The following ITSN2 variants were observed in gnomAD, a reference collection of about 807,000 sequenced individuals.
ITSN2 encodes intersectin 2.
Under a neutral mutation model 243.7 loss-of-function variants are expected in ITSN2, and 156 were observed. That is an observed-to-expected ratio of 0.64 (90% CI 0.56 to 0.73). The LOEUF is 0.73. Ranked by LOEUF, ITSN2 falls within the 30% of genes least tolerant of loss-of-function variation. ITSN2 has a pLI of 0.00. For synonymous variants in ITSN2, 703 were observed against 699.9 expected (o/e 1.00, Z -0.07); for missense variants, 1,801 against 1,996.1 (o/e 0.90, Z 1.86).
chr2:24,252,999 A>C (rs72855412), intron 24 of ITSN2, among the ~76,000 whole-genome samples: 6 of 152,140 alleles, frequency 3.9e-5, no homozygotes, highest in African/African-American at 1.4e-4. Context: ...CAGCACTAGA[A>C]GCCAAGCTCC....
chr2:24,302,221 T>C (rs939545022), intron 9 of ITSN2, 119 bp from the exon 10 acceptor site: 49 of 532,838 alleles, frequency 9.2e-5, no homozygotes, highest in Non-Finnish European at 1.3e-4. Flanking sequence ...TTATTTGAGA[T>C]GGAGTCTAGC....
chr2:24,222,668 C>CTT (rs56149622), intron 29 of ITSN2, among the ~76,000 whole-genome samples: 125 of 77,180 alleles, frequency 1.6e-3, no homozygotes, highest in Admixed American at 2.0e-3. Context: ...TTTTTCTTTT[C>CTT]TTTTTTTTTT....
intron 1 of ITSN2, among the ~76,000 whole-genome samples, chr2:24,345,674 G>C (rs1188919712): frequency 6.6e-6 from 1 of 151,776 alleles, no homozygotes; most frequent in African/African-American, 2.4e-5. Context: ...ACCCAGTGCT[G>C]TTAACAACAT....
chr2:24,331,060 C>A (rs539532341), intron 1 of ITSN2, among the ~76,000 whole-genome samples: 1 of 148,466 alleles, frequency 6.7e-6, no homozygotes, highest in Non-Finnish European at 1.5e-5. Flanking sequence ...AGCCACTGCA[C>A]CCGGCCACTT....
At position 24,299,993 on chromosome 2, in the gene ITSN2, A is replaced by G. The variant is rs756109256; in HGVS notation, c.1260T>C (p.Leu420=). 1.2e-6 allele frequency: 2 copies of G among 1,613,970 alleles called. No homozygotes were observed. Among genetic ancestry groups the G allele is most frequent in the Non-Finnish European group, 1.7e-6 (2 of 1,179,950 alleles). The stretch of plus-strand genomic sequence containing the variant: ...GCTTCTCTAAGCGTTTTTCTAATTC[A>G]AGTTGTTTCTTCCATTCTTGTTCTT... ...ELQEQEWKKQ[L]ELEKRLEKQR... Residue 420 remains leucine, a synonymous_variant, in exon 12 of 40, where the codon CTT becomes CTC. Coordinates refer to ENST00000355123, the MANE Select transcript of ITSN2 (RefSeq NM_006277.3).
intron 21 of ITSN2, 26 bp from the exon 22 acceptor site, chr2:24,261,276 G>A (rs748354856): frequency 6.4e-7 from 1 of 1,557,242 alleles, no homozygotes; most frequent in South Asian, 1.1e-5. Flanking sequence ...TTTGATATAA[G>A]TATATTTATT....
chr2:24,261,238 TGAA>T lies in ITSN2; in HGVS notation c.2547_2549del (p.Ser850del). 6.2e-7 allele frequency: 1 copy of T among 1,610,806 alleles called. No individual in the cohort carries two copies. The highest frequency in any genetic ancestry group is 8.5e-7 in the Non-Finnish European group (1 of 1,177,462). ...AATCAGTCACTGATGCTGGTTGATT[TGAA>T]GAAAGTGGTCTGCAAATATAACACT... On this transcript the variant is annotated inframe_deletion, in exon 22 of 40. Transcript: ENST00000355123.
chr2:24,344,245 TAACA>T, intron 1 of ITSN2, among the ~76,000 whole-genome samples: 1 of 152,222 alleles, frequency 6.6e-6, no homozygotes, highest in Non-Finnish European at 1.5e-5. Flanking sequence ...GTTTTTTGCC[TAACA>T]AACCATACTA....
chr2:24,305,724 A>G (rs2151702461), intron 8 of ITSN2, among the ~76,000 whole-genome samples: 1 of 152,270 alleles, frequency 6.6e-6, no homozygotes, highest in Non-Finnish European at 1.5e-5. Flanking sequence ...CTTTTTATAG[A>G]AAACCTTGTC....
In ITSN2 at chr2:24,209,732, C is replaced by T. The variant is rs1277189170; in HGVS notation, c.4473+86G>A. 1.2e-5 allele frequency: 13 copies of T among 1,072,952 alleles called. No homozygotes were observed. The Admixed American group carries it at 1.6e-4, about 13-fold the overall frequency. 66.5% of individuals were successfully genotyped at this position (1,072,952 alleles called of 1,614,324 possible). On this transcript the variant is annotated intron_variant, in intron 35 of 39. Coordinates refer to ENST00000355123, the MANE Select transcript of ITSN2 (RefSeq NM_006277.3). ...CCAGGTGAGGAGGGTCCCGTAAGGCCAGCTCAGGGTCTGCCAGGAAGGCCT... is the reference window on the plus strand; with the variant it reads ...CCAGGTGAGGAGGGTCCCGTAAGGCTAGCTCAGGGTCTGCCAGGAAGGCCT...
At position 24,290,158 on chromosome 2, in the gene ITSN2, A is replaced by G. The variant is rs1680071103; in HGVS notation, c.1723+3530T>C. 3.3e-5 allele frequency among the ~76,000 whole-genome samples: 5 copies of G among 152,222 alleles called. 1 individual carries two copies. In the South Asian group the frequency reaches 1.0e-3, roughly 32 times the overall value. On this transcript the variant is annotated intron_variant, in intron 15 of 39. Coordinates refer to ENST00000355123, the MANE Select transcript of ITSN2 (RefSeq NM_006277.3). ...GAAATTGCCAAACTACTATTCCAAA[A>G]AAGCTGTTATCAACTTATGCCACCA... is the stretch of plus-strand genomic sequence containing the variant.
Position 24,204,862 on chromosome 2 carries a change from G to A in ITSN2, c.4762+352C>T. ...GAAGAGTCATCAGTGGCTGGGCGCA[G>A]TGGCACTTTGTCAGTGACAAAGTGC... is the stretch of plus-strand genomic sequence containing the variant. On this transcript the variant is annotated intron_variant, in intron 38 of 39. Transcript: ENST00000355123. This position sits in a 1 kb window ranked among gnomAD's most constrained non-coding sequence, Gnocchi z 5.1. 2.5e-6 allele frequency: 1 copy of A among 401,392 alleles called. No individual in the cohort carries two copies. Among genetic ancestry groups the A allele is most frequent in the Non-Finnish European group, 5.0e-6 (1 of 198,470 alleles). The allele number at this position is 401,392 out of a possible 1,614,324, so 24.9% of individuals were successfully genotyped here.
intron 18 of ITSN2, among the ~76,000 whole-genome samples, chr2:24,274,695 G>A (rs1677805272): frequency 6.6e-6 from 1 of 152,208 alleles, no homozygotes; most frequent in South Asian, 2.1e-4. Context: ...GCCAACAATA[G>A]CCACTCAAAA....
At chr2:24,222,000 C>A (rs1670490187) in intron 29 of ITSN2, among the ~76,000 whole-genome samples, 1 of 152,120 alleles carries the variant, frequency 6.6e-6, no homozygotes, top group Non-Finnish European at 1.5e-5. Context: ...TGGGAGTAAT[C>A]CCAGCACTTT....
At chr2:24,248,529 G>A in intron 27 of ITSN2, 100 bp downstream of exon 27, 1 of 921,650 alleles carries the variant, frequency 1.1e-6, no homozygotes, top group Non-Finnish European at 1.6e-6. Context: ...TAAGTGGAAT[G>A]ATTATGGGTG....
At chr2:24,323,351 T>G (rs1684798758) in intron 2 of ITSN2, among the ~76,000 whole-genome samples, 1 of 152,166 alleles carries the variant, frequency 6.6e-6, no homozygotes, top group African/African-American at 2.4e-5. Context: ...AACGGCTGAA[T>G]GGATAAATAA....
chr2:24,312,397 T>G (rs192493175), intron 4 of ITSN2, 22 bp from the exon 5 acceptor site: 11 of 1,569,846 alleles, frequency 7.0e-6, no homozygotes, highest in Non-Finnish European at 6.9e-6. Context: ...ATGAGGTAGG[T>G]AGATTGCTAT....
At chr2:24,307,670 T>C (rs369480550) in intron 8 of ITSN2, among the ~76,000 whole-genome samples, 11 of 152,208 alleles carry the variant, frequency 7.2e-5, no homozygotes, top group African/African-American at 2.7e-4. Flanking sequence ...AATAAAATAC[T>C]GTATATTTTT....
intron 3 of ITSN2, among the ~76,000 whole-genome samples, chr2:24,314,602 C>A (rs575056933): frequency 6.6e-6 from 1 of 152,196 alleles, no homozygotes; most frequent in African/African-American, 2.4e-5. Flanking sequence ...CTCATAGTTA[C>A]TATTATTGTA....
Sources: allele counts gnomAD v4.1 joint callset (sites outside exome capture counted in the v4.1 genomes callset), GRCh38; gene constraint gnomAD v4.1.1; non-coding constraint Gnocchi (gnomAD v3.1); transcripts MANE v1.5; gene names NCBI Gene and HGNC (gene_info 2026-07-23, HGNC 2026-07-21).